Variants in KCNG3 observed in about 807,000 individuals in gnomAD.
KCNG3 encodes the protein potassium voltage-gated channel modifier subfamily G member 3.
A neutral mutation model predicts 29.0 loss-of-function variants in KCNG3; 15 were observed. The ratio of observed to expected loss-of-function variants is 0.52; its 90% confidence interval spans 0.35 to 0.80. The LOEUF (loss-of-function observed/expected upper bound fraction) is 0.80. KCNG3 is among the 30% of genes least tolerant of loss of function. The probability of loss-of-function intolerance (pLI) is 0.01; values close to 1 mark genes in which losing one functional copy is unlikely to be tolerated. For synonymous variants in KCNG3, 322 were observed against 248.9 expected (o/e 1.29, Z -2.76); for missense variants, 512 against 605.7 (o/e 0.85, Z 1.62).
chr2:42,411,031 T>C, the KCNG3 span, among the ~76,000 whole-genome samples: 2 of 152,234 alleles, frequency 1.3e-5, no homozygotes, highest in East Asian at 1.9e-4. Flanking sequence ...TTCAATACAA[T>C]TTATTGAGTA....
intron 1 of KCNG3, chr2:42,469,892 C>G (rs1173163881): frequency 3.7e-6 from 1 of 273,738 alleles, no homozygotes; most frequent in Non-Finnish European, 6.8e-6. Context: ...CACCACTTGG[C>G]TGAAGTTGAC....
chr2:42,459,573 T>C (rs1426780693), intron 1 of KCNG3, among the ~76,000 whole-genome samples: 1 of 152,230 alleles, frequency 6.6e-6, no homozygotes, highest in Non-Finnish European at 1.5e-5. Context: ...CATTAATTCA[T>C]TCACCATGCA....
chr2:42,406,468 C>T, the KCNG3 span, among the ~76,000 whole-genome samples: 1 of 151,266 alleles, frequency 6.6e-6, no homozygotes. Flanking sequence ...ATCCACCCAC[C>T]TCGGCCTCCC....
chr2:42,462,782 C>G (rs183731418), intron 1 of KCNG3, among the ~76,000 whole-genome samples: 1 of 152,284 alleles, frequency 6.6e-6, no homozygotes, highest in Non-Finnish European at 1.5e-5. Context: ...GTTAGGAAAC[C>G]AAGGTTCAAT....
At chr2:42,403,255 C>G in the KCNG3 span, among the ~76,000 whole-genome samples, 1 of 151,978 alleles carries the variant, frequency 6.6e-6, no homozygotes, top group African/African-American at 2.4e-5. Context: ...GATCCTCCCA[C>G]CTCAGCCTTC....
At chr2:42,428,458 GGAAAAAAAAA>G in the KCNG3 span, among the ~76,000 whole-genome samples, 2 of 104,530 alleles carry the variant, frequency 1.9e-5, no homozygotes, top group African/African-American at 8.1e-5. Context: ...CCCGGTCTCG[GGAAAAAAAAA>G]AAAAAAAAAA....
the KCNG3 span, among the ~76,000 whole-genome samples, chr2:42,418,547 C>A: frequency 2.6e-5 from 4 of 152,096 alleles, no homozygotes; most frequent in African/African-American, 9.7e-5. Context: ...TTTGTTGCAA[C>A]AATTTCTATG....
intron 1 of KCNG3, among the ~76,000 whole-genome samples, chr2:42,484,470 T>A (rs1011453922): frequency 9.2e-5 from 14 of 151,794 alleles, no homozygotes; most frequent in African/African-American, 1.9e-4. Context: ...GAAGAAAAAA[T>A]AAATAAATAA....
chr2:42,480,719 G>C (rs1673560505), intron 1 of KCNG3, among the ~76,000 whole-genome samples: 1 of 138,946 alleles, frequency 7.2e-6, no homozygotes, highest in African/African-American at 2.7e-5. Flanking sequence ...TTCAGCTCGA[G>C]TTCAAGACCA....
chr2:42,435,537 G>T, the KCNG3 span, among the ~76,000 whole-genome samples: 1 of 152,140 alleles, frequency 6.6e-6, no homozygotes, highest in Non-Finnish European at 1.5e-5. Context: ...AAAAGGATCT[G>T]TATCCAGAAT....
At chr2:42,434,786 T>C in the KCNG3 span, among the ~76,000 whole-genome samples, 4 of 150,526 alleles carry the variant, frequency 2.7e-5, no homozygotes, top group Non-Finnish European at 4.4e-5. Context: ...ATCACTAGAA[T>C]AGAATTGAGA....
At chr2:42,415,912 AGGCCGGGCGCAGT>A in the KCNG3 span, among the ~76,000 whole-genome samples, 1 of 152,178 alleles carries the variant, frequency 6.6e-6, no homozygotes, top group Non-Finnish European at 1.5e-5. Flanking sequence ...TAGAGAGTAG[AGGCCGGGCGCAGT>A]GGCTCATGGC....
At chr2:42,415,276 G>C in the KCNG3 span, among the ~76,000 whole-genome samples, 3 of 152,188 alleles carry the variant, frequency 2.0e-5, no homozygotes, top group African/African-American at 7.2e-5. Context: ...ATGTACAGAT[G>C]TTTCCCTTCC....
At chr2:42,464,394 G>A (rs1030211847) in intron 1 of KCNG3, among the ~76,000 whole-genome samples, 2 of 152,028 alleles carry the variant, frequency 1.3e-5, no homozygotes, top group Admixed American at 6.6e-5. Context: ...ACAAAGGTAG[G>A]GATATTTCAA....
At chr2:42,447,681 A>AT (rs1280173854) in intron 1 of KCNG3, among the ~76,000 whole-genome samples, 3 of 151,386 alleles carry the variant, frequency 2.0e-5, no homozygotes, top group South Asian at 2.1e-4. Context: ...CACTTGGTTA[A>AT]TTTTTTTTCT....
the KCNG3 span, among the ~76,000 whole-genome samples, chr2:42,429,283 T>G: frequency 5.9e-5 from 9 of 152,300 alleles, no homozygotes; most frequent in Non-Finnish European, 1.3e-4. Flanking sequence ...AGGTAGATGC[T>G]CCTTTATTTG....
rs148797957 is a variant in KCNG3 at position 42,482,739 on chromosome 2, C to A, written c.665+10098G>T. Among the ~76,000 whole-genome samples, 641 of 151,790 alleles carry A rather than the reference C, an allele frequency of 4.2e-3. 4 individuals are homozygous for A. Among genetic ancestry groups the A allele is most frequent in the African/African-American group, 0.015 (611 of 41,400 alleles). On this transcript the variant is annotated intron_variant, in intron 1 of 1. Coordinates refer to ENST00000306078, the MANE Select transcript of KCNG3 (RefSeq NM_133329.6). ...GCAAGACTCCACCTCAAAACAAAAA[C>A]AAAAACACTCTAGATGGTGACGGTT...
Position 42,443,707 on chromosome 2 carries a change from C to T in KCNG3, c.*227G>A, listed in dbSNP as rs116083580. 1,542 of 394,956 alleles carry T rather than the reference C, an allele frequency of 3.9e-3. 11 individuals carry two copies. The highest frequency in any genetic ancestry group is 5.4e-3 in the Non-Finnish European group (1,198 of 223,296). The allele number at this position is 394,956 out of a possible 1,614,324, so 24.5% of individuals were successfully genotyped here. ...ACGGGAAAACAAGTCTAAATAAAACCGGGTCCTAAAGTTTACTCTAGGAGT... is the reference window on the plus strand; with the variant it reads ...ACGGGAAAACAAGTCTAAATAAAACTGGGTCCTAAAGTTTACTCTAGGAGT... On this transcript the variant is annotated 3_prime_UTR_variant, in exon 2 of 2. Coordinates refer to ENST00000306078, the MANE Select transcript of KCNG3 (RefSeq NM_133329.6).
intron 1 of KCNG3, among the ~76,000 whole-genome samples, chr2:42,460,566 T>C (rs950110072): frequency 3.3e-5 from 5 of 152,206 alleles, no homozygotes; most frequent in Non-Finnish European, 7.3e-5. Context: ...AGATAAGTTT[T>C]TCTTCATCTG....
Sources: gnomAD v4.1 joint callset for allele counts (sites outside exome capture counted in the v4.1 genomes callset) on GRCh38, gnomAD v4.1.1 for gene constraint, MANE v1.5 for transcripts, NCBI Gene and HGNC (gene_info 2026-07-23, HGNC 2026-07-21) for gene names.